RUNX3: variants seen among roughly 807,000 people sequenced by gnomAD.
The protein encoded by RUNX3 is RUNX family transcription factor 3.
Under a neutral mutation model 27.7 loss-of-function variants are expected in RUNX3, and 10 were observed. That is an observed-to-expected ratio of 0.36 (90% CI 0.22 to 0.61). The LOEUF (loss-of-function observed/expected upper bound fraction) is 0.61. Among genes scored for constraint, RUNX3 ranks in the 20% least tolerant of loss-of-function variants. The pLI is 0.72. For synonymous variants in RUNX3, 270 were observed against 269.2 expected, an observed-to-expected ratio of 1.00 and a Z score of -0.03; for missense variants, 469 against 629.5, an observed-to-expected ratio of 0.75 and a Z score of 2.73.
Position 24,902,433 on chromosome 1 carries a change from G to T in RUNX3, c.937C>A (p.Pro313Thr). 6.2e-7 allele frequency: 1 copy of T among 1,610,830 alleles called. No individual in the cohort carries two copies. Reference protein sequence around the residue: ...FHHTYLPPPYPGAPQNQSGPF... With the variant: ...FHHTYLPPPYTGAPQNQSGPF... Reference sequence around the variant, plus strand: ...CCGCTCTGGTTCTGCGGGGCCCCCGGGTAGGGTGGCGGGAGGTAGGTATGG... The same window carrying T: ...CCGCTCTGGTTCTGCGGGGCCCCCGTGTAGGGTGGCGGGAGGTAGGTATGG... The change falls in exon 5 of 5, where the codon CCG (proline) becomes ACG (threonine). Residue 313 changes from proline (P) to threonine (T), a missense_variant. Pro to Thr is a conservative substitution (Grantham distance 38). Transcript: ENST00000308873. This position sits in a 1 kb window ranked among gnomAD's most constrained non-coding sequence, Gnocchi z 9.2.
intron 3 of RUNX3, among the ~76,000 whole-genome samples, chr1:24,910,059 C>T (rs1019808869): frequency 2.0e-5 from 3 of 152,108 alleles, no homozygotes; most frequent in Admixed American, 2.0e-4. Context: ...CCGAGGCGGG[C>T]GGATCACCTG....
rs866754669 is a variant in RUNX3 at position 24,927,316 on chromosome 1, G to A, written c.439+258C>T. Among the ~76,000 whole-genome samples the A allele has an allele frequency of 6.6e-6, 1 of 152,138 alleles. No homozygotes were observed. Among genetic ancestry groups the A allele is most frequent in the Non-Finnish European group, 1.5e-5 (1 of 68,030 alleles). On this transcript the variant is annotated intron_variant, in intron 2 of 4. Coordinates refer to ENST00000308873, the MANE Select transcript of RUNX3 (RefSeq NM_004350.3). This position sits in a 1 kb window ranked among gnomAD's most constrained non-coding sequence, Gnocchi z 5.0. ...CCAGGTGTGCTTAACCGGGAAAGAG[G>A]GGGTGGCATGAACGGTTTCAGGAGT...
intron 2 of RUNX3, among the ~76,000 whole-genome samples, chr1:24,956,995 C>G (rs935708942): frequency 1.3e-5 from 2 of 152,206 alleles, no homozygotes; most frequent in South Asian, 2.1e-4. Flanking sequence ...AAGCTCCCCC[C>G]CACAGGGACT....
upstream of RUNX3, chr1:24,930,292 C>T: frequency 4.1e-6 from 4 of 970,284 alleles, no homozygotes; most frequent in Non-Finnish European, 4.9e-6. The surrounding 1 kb of genome is among the most constrained non-coding windows in gnomAD (Gnocchi z 4.1). Flanking sequence ...CGCGGCCGCC[C>T]GCGCGGGGTT....
rs1053561849 is a variant in RUNX3, at chr1:24,904,543, G to A, written c.704-1877C>T. ...AGTTTTCATCTGGGGAGCCCCTCGG[G>A]GGGAGAGGTCCTGTTGCAGGTGCTG... On this transcript the variant is annotated intron_variant, in intron 4 of 4. Coordinates refer to ENST00000308873, the MANE Select transcript of RUNX3 (RefSeq NM_004350.3). This position sits in a 1 kb window ranked among gnomAD's most constrained non-coding sequence, Gnocchi z 5.7. Among the ~76,000 whole-genome samples, 1 of 152,206 alleles carries A rather than the reference G, an allele frequency of 6.6e-6. No homozygotes were observed. Among genetic ancestry groups the A allele is most frequent in the African/African-American group, 2.4e-5 (1 of 41,460 alleles).
intron 2 of RUNX3, among the ~76,000 whole-genome samples, chr1:24,954,666 C>G (rs760227002): frequency 2.3e-4 from 35 of 152,264 alleles, no homozygotes; most frequent in Admixed American, 2.6e-4. Flanking sequence ...TTCAGCTGCT[C>G]TAAGCCTTCG....
At chr1:24,908,982 GA>G (rs1033275142) in intron 3 of RUNX3, among the ~76,000 whole-genome samples, 11 of 152,320 alleles carry the variant, frequency 7.2e-5, no homozygotes, top group African/African-American at 2.6e-4. Context: ...TCTCTGCCTG[GA>G]AGCTGGGGTC....
chr1:24,940,577 C>A (rs1374973675), intron 2 of RUNX3, among the ~76,000 whole-genome samples: 1 of 152,176 alleles, frequency 6.6e-6, no homozygotes, highest in African/African-American at 2.4e-5. Context: ...GAAAAGCAGA[C>A]AGACAAGCAA....
At chr1:24,947,103 G>T (rs1012897139) in intron 2 of RUNX3, among the ~76,000 whole-genome samples, 1 of 152,116 alleles carries the variant, frequency 6.6e-6, no homozygotes, top group Non-Finnish European at 1.5e-5. Context: ...GTGTCCTCAC[G>T]GTAACCCTGA....
chr1:24,905,058 T>G (rs1640638040), intron 4 of RUNX3, among the ~76,000 whole-genome samples: 1 of 152,044 alleles, frequency 6.6e-6, no homozygotes, highest in South Asian at 2.1e-4. Context: ...GGCTGGGGTA[T>G]GGGAGGTGCT....
chr1:24,935,532 G>A (rs147234845), intron 2 of RUNX3, among the ~76,000 whole-genome samples: 38 of 152,334 alleles, frequency 2.5e-4, no homozygotes, highest in African/African-American at 6.7e-4. Context: ...AGGCAAGGAC[G>A]GAGAAAAGAG....
chr1:24,903,416 G>A (rs1455889965), intron 4 of RUNX3, among the ~76,000 whole-genome samples: 3 of 152,208 alleles, frequency 2.0e-5, no homozygotes, highest in Non-Finnish European at 4.4e-5. Flanking sequence ...GCAGCAAAGT[G>A]AGACAGCAGT....
intron 2 of RUNX3, among the ~76,000 whole-genome samples, chr1:24,956,886 C>T (rs1359926916): frequency 1.3e-5 from 2 of 152,214 alleles, no homozygotes; most frequent in Admixed American, 1.3e-4. Context: ...CCTCTGTTTC[C>T]TCTGCTCCAG....
chr1:24,925,333 C>T (rs1347439265), intron 2 of RUNX3, among the ~76,000 whole-genome samples: 1 of 151,744 alleles, frequency 6.6e-6, no homozygotes, highest in Non-Finnish European at 1.5e-5. Context: ...CCGCCCAAAC[C>T]ACACAGTAAT....
At chr1:24,934,114 G>A (rs767891307), upstream of RUNX3, among the ~76,000 whole-genome samples, 2 of 152,194 alleles carry the variant, frequency 1.3e-5, no homozygotes, top group Admixed American at 1.3e-4. Context: ...ATGATCGATT[G>A]TTTGAAGAAA....
At position 24,929,979 on chromosome 1, in the gene RUNX3, A is replaced by C; in HGVS notation, c.-111T>G. The C allele has an allele frequency of 1.7e-6, 2 of 1,178,122 alleles. No individual in the cohort carries two copies. Among genetic ancestry groups the C allele is most frequent in the African/African-American group, 1.6e-5 (1 of 61,874 alleles). The allele number at this position is 1,178,122 out of a possible 1,614,324, so 73.0% of individuals were successfully genotyped here. A position where few individuals can be genotyped will look rare whatever the true frequency, so the allele number is the denominator to read the frequency against. ...CTGCCGCGAGAAGCGGGAAAGCAGAAGCGGCGGGGCCCGGGCCTCAGGGCG... is the reference window on the plus strand; with the variant it reads ...CTGCCGCGAGAAGCGGGAAAGCAGACGCGGCGGGGCCCGGGCCTCAGGGCG... On this transcript the variant is annotated 5_prime_UTR_variant, in exon 1 of 5. Transcript: ENST00000308873.
intron 2 of RUNX3, among the ~76,000 whole-genome samples, chr1:24,925,976 A>C (rs1641091733): frequency 6.6e-6 from 1 of 152,200 alleles, no homozygotes. Context: ...TGGCCAGACA[A>C]GGTCTCGGTA....
chr1:24,910,835 G>A (rs1439614980), intron 3 of RUNX3, among the ~76,000 whole-genome samples: 1 of 152,230 alleles, frequency 6.6e-6, no homozygotes, highest in Non-Finnish European at 1.5e-5. Flanking sequence ...TGGCAACAAA[G>A]GGGAAAACAT....
rs1640884803 is a variant in RUNX3 at position 24,916,146 on chromosome 1, C to A, written c.544+3094G>T. On this transcript the variant is annotated intron_variant, in intron 3 of 4. Coordinates refer to ENST00000308873, the MANE Select transcript of RUNX3 (RefSeq NM_004350.3). This position sits in a 1 kb window ranked among gnomAD's most constrained non-coding sequence, Gnocchi z 4.8. ...ACCAGCCCCTACTCCCACTTCACCC[C>A]ACAGCGGGCTCAGATTTCAGAGGGT... Among the ~76,000 whole-genome samples, 1 of 152,200 alleles carries A rather than the reference C, an allele frequency of 6.6e-6. No homozygotes were observed. Among genetic ancestry groups the A allele is most frequent in the African/African-American group, 2.4e-5 (1 of 41,420 alleles).
Sources: gnomAD v4.1 joint callset for allele counts (sites outside exome capture counted in the v4.1 genomes callset) on GRCh38, gnomAD v4.1.1 for gene constraint, Gnocchi (gnomAD v3.1) non-coding constraint, MANE v1.5 for transcripts, NCBI Gene and HGNC (gene_info 2026-07-23, HGNC 2026-07-21) for gene names.